OOSP1: variants seen among roughly 807,000 people sequenced by gnomAD.
OOSP1 encodes oocyte secreted protein 1, also known as putative oocyte-secreted protein 1 homolog.
A neutral mutation model predicts 5.7 loss-of-function variants in OOSP1; 11 were observed. That is an observed-to-expected ratio of 1.94 (90% CI 1.22 to 3.20). OOSP1 has a LOEUF of 3.20. Among genes scored for constraint, OOSP1 ranks in the 30% most tolerant of loss-of-function variants. The pLI, the probability that OOSP1 is intolerant of heterozygous loss-of-function variation, is 0.00. For synonymous variants in OOSP1, 44 were observed against 20.0 expected (o/e 2.20, Z -3.20); for missense variants, 83 against 54.1 (o/e 1.53, Z -1.67).
Position 59,957,188 on chromosome 11 carries a change from C to A in OOSP1, c.487-7C>A, listed in dbSNP as rs1223499705. ...GAATCTACTTAAAATTTATTTTGTACCCTCAGGTTTTAAAAGTGAAGGTTA... is the reference window on the plus strand; with the variant it reads ...GAATCTACTTAAAATTTATTTTGTAACCTCAGGTTTTAAAAGTGAAGGTTA... On this transcript the variant is annotated splice_region_variant and splice_polypyrimidine_tract_variant and intron_variant, in intron 4 of 4. Transcript: ENST00000646685. The A allele has an allele frequency of 1.8e-5, 7 of 397,480 alleles. No individual in the cohort carries two copies. The highest frequency in any genetic ancestry group is 2.7e-5 in the Non-Finnish European group (6 of 225,470). The allele number at this position is 397,480 out of a possible 1,614,324, so 24.6% of individuals were successfully genotyped here. A position where few individuals can be genotyped will look rare whatever the true frequency, so the allele number is the denominator to read the frequency against.
At chr11:59,942,605 T>C (rs1413833426) in intron 1 of OOSP1, among the ~76,000 whole-genome samples, 1 of 151,990 alleles carries the variant, frequency 6.6e-6, no homozygotes, top group Non-Finnish European at 1.5e-5. Context: ...TTTGTATTGA[T>C]TTTTTCCCCC....
intron 4 of OOSP1, among the ~76,000 whole-genome samples, chr11:59,951,491 G>A (rs1853939206): frequency 6.6e-6 from 1 of 152,086 alleles, no homozygotes; most frequent in Admixed American, 6.6e-5. Context: ...ACACGAGGCA[G>A]CGGGTGGGCT....
chr11:59,948,414 GA>G (rs1853909007), intron 4 of OOSP1, among the ~76,000 whole-genome samples: 1 of 152,172 alleles, frequency 6.6e-6, no homozygotes, highest in Non-Finnish European at 1.5e-5. Context: ...GTGTTTAATA[GA>G]GAGTAAACAG....
Position 59,942,750 on chromosome 11 carries a change from G to A in OOSP1, c.77-97G>A, listed in dbSNP as rs901113664. On this transcript the variant is annotated intron_variant, in intron 1 of 4. Coordinates refer to ENST00000646685, the Ensembl canonical transcript of OOSP1. ...CTTAAGACATTTTGTTTTAGTAAGGGATGATCTCTTCATTTGTATTAACAG... is the reference window on the plus strand; with the variant it reads ...CTTAAGACATTTTGTTTTAGTAAGGAATGATCTCTTCATTTGTATTAACAG... The A allele has an allele frequency of 2.3e-5, 14 of 607,780 alleles. No homozygotes were observed. In the African/African-American group the frequency reaches 2.4e-4, roughly 10 times the overall value. The allele number at this position is 607,780 out of a possible 1,614,324, so 37.6% of individuals were successfully genotyped here. A position where few individuals can be genotyped will look rare whatever the true frequency, so the allele number is the denominator to read the frequency against.
intron 4 of OOSP1, among the ~76,000 whole-genome samples, chr11:59,956,066 T>C (rs1398992714): frequency 2.0e-5 from 3 of 152,180 alleles, no homozygotes; most frequent in Non-Finnish European, 2.9e-5. Flanking sequence ...AGTACACCAA[T>C]CTGTGACCAG....
At chr11:59,952,571 G>A (rs981843520) in intron 4 of OOSP1, among the ~76,000 whole-genome samples, 24 of 152,222 alleles carry the variant, frequency 1.6e-4, no homozygotes, top group African/African-American at 5.3e-4. Context: ...ACTTATAAGT[G>A]GGAGCCAAGC....
intron 4 of OOSP1, among the ~76,000 whole-genome samples, chr11:59,951,535 CT>C (rs1853939821): frequency 6.6e-6 from 1 of 152,002 alleles, no homozygotes; most frequent in East Asian, 1.9e-4. Context: ...GAGGTTGTTG[CT>C]TTGGATCTGG....
At chr11:59,952,637 G>A (rs1052284495) in intron 4 of OOSP1, among the ~76,000 whole-genome samples, 13 of 152,090 alleles carry the variant, frequency 8.5e-5, no homozygotes, top group African/African-American at 2.9e-4. Flanking sequence ...ACTCAGAAGA[G>A]GGGGAAGTTG....
At chr11:59,941,066 T>A (rs1009145205) in intron 1 of OOSP1, among the ~76,000 whole-genome samples, 2 of 152,214 alleles carry the variant, frequency 1.3e-5, no homozygotes, top group Non-Finnish European at 2.9e-5. Flanking sequence ...ATGCCAAACC[T>A]TCTGTCTCCG....
chr11:59,942,567 G>A (rs1056923692), intron 1 of OOSP1, among the ~76,000 whole-genome samples: 3 of 152,150 alleles, frequency 2.0e-5, no homozygotes, highest in African/African-American at 7.2e-5. Context: ...TACAATAAGT[G>A]ACTTTGGAGG....
At chr11:59,950,508 T>G (rs1440761033) in intron 4 of OOSP1, among the ~76,000 whole-genome samples, 1 of 152,184 alleles carries the variant, frequency 6.6e-6, no homozygotes. Flanking sequence ...AGCCTTTGAA[T>G]GAGCCAAAGA....
At chr11:59,951,485 G>A (rs181481202) in intron 4 of OOSP1, among the ~76,000 whole-genome samples, 13 of 152,178 alleles carry the variant, frequency 8.5e-5, no homozygotes, top group Admixed American at 7.9e-4. Flanking sequence ...AAAGTCACAC[G>A]AGGCAGCGGG....
chr11:59,951,438 G>A (rs1275314424), intron 4 of OOSP1, among the ~76,000 whole-genome samples: 2 of 152,090 alleles, frequency 1.3e-5, no homozygotes, highest in African/African-American at 4.8e-5. Flanking sequence ...GCATTAGAAG[G>A]TGTGCATATA....
In OOSP1 at chr11:59,946,963, C is replaced by T. The variant is rs1240989920; in HGVS notation, c.357-770C>T. Among the ~76,000 whole-genome samples the T allele has an allele frequency of 2.7e-5, 4 of 148,794 alleles. 1 individual carries two copies. In the South Asian group the frequency reaches 8.4e-4, roughly 31 times the overall value. On this transcript the variant is annotated intron_variant, in intron 3 of 4. Coordinates refer to ENST00000646685, the Ensembl canonical transcript of OOSP1. Reference sequence around the variant, plus strand: ...TCTATCTATCTATCTATCTATCTATCTATCTGTCTATCTACTCTGTACCCA... The same window carrying T: ...TCTATCTATCTATCTATCTATCTATTTATCTGTCTATCTACTCTGTACCCA...
At chr11:59,938,976 A>G (rs1853798036) in intron 1 of OOSP1, among the ~76,000 whole-genome samples, 1 of 152,156 alleles carries the variant, frequency 6.6e-6, no homozygotes, top group Admixed American at 6.5e-5. Context: ...CAGAGGGAGC[A>G]GTCAGTGCCC....
At chr11:59,947,384 G>A (rs530078717) in intron 3 of OOSP1, among the ~76,000 whole-genome samples, 31 of 152,120 alleles carry the variant, frequency 2.0e-4, no homozygotes, top group African/African-American at 5.5e-4. Flanking sequence ...CAGTCTCCAC[G>A]TAGCTGGGAC....
At chr11:59,957,117 A>G in intron 4 of OOSP1, 78 bp from the exon 5 acceptor site, 1 of 394,598 alleles carries the variant, frequency 2.5e-6, no homozygotes, top group Non-Finnish European at 4.5e-6. Context: ...AAAAACTTTG[A>G]ATGCTTCTTT....
chr11:59,952,298 C>T (rs1853947919), intron 4 of OOSP1, among the ~76,000 whole-genome samples: 1 of 151,786 alleles, frequency 6.6e-6, no homozygotes, highest in Non-Finnish European at 1.5e-5. Context: ...TGGTATCTAC[C>T]CAAAGGAAAA....
At chr11:59,955,603 A>G (rs1289470500) in intron 4 of OOSP1, among the ~76,000 whole-genome samples, 1 of 152,052 alleles carries the variant, frequency 6.6e-6, no homozygotes, top group East Asian at 1.9e-4. Context: ...ACAGTGTGCC[A>G]AGTTTAATAG....
Sources: gnomAD v4.1 joint callset for allele counts (sites outside exome capture counted in the v4.1 genomes callset) on GRCh38, gnomAD v4.1.1 for gene constraint, MANE v1.5 for transcripts, NCBI Gene and HGNC (gene_info 2026-07-23, HGNC 2026-07-21) for gene names.